TOP1: variants seen among roughly 807,000 people sequenced by gnomAD.
The protein encoded by TOP1 is DNA topoisomerase I.
A neutral mutation model predicts 111.1 loss-of-function variants in TOP1; 10 were observed. The observed-to-expected ratio is 0.09, with a 90% CI of 0.06 to 0.15. The LOEUF (loss-of-function observed/expected upper bound fraction) is 0.15. Among genes scored for constraint, TOP1 ranks in the 10% least tolerant of loss-of-function variants. The pLI, the probability that TOP1 is intolerant of heterozygous loss-of-function variation, is 1.00. For synonymous variants in TOP1, 271 were observed against 302.9 expected (o/e 0.89, Z 1.10); for missense variants, 474 against 926.7 (o/e 0.51, Z 6.34).
At chr20:41,043,930 T>A (rs1295803271) in intron 2 of TOP1, among the ~76,000 whole-genome samples, 2 of 152,226 alleles carry the variant, frequency 1.3e-5, no homozygotes, top group Non-Finnish European at 2.9e-5. Context: ...GATGCATTTG[T>A]AGTGCAGGGA....
chr20:41,079,940 A>G lies in TOP1; in HGVS notation c.336-145A>G. On this transcript the variant is annotated intron_variant, in intron 5 of 20. Coordinates refer to ENST00000361337, the MANE Select transcript of TOP1 (RefSeq NM_003286.4). This position sits in a 1 kb window ranked among gnomAD's most constrained non-coding sequence, Gnocchi z 4.0. ...TACTTCACAGGATTGAAGTGAGAAA[A>G]AGTGCTCACAGAACATCTTCATGAT... 3 of 612,802 alleles carry G rather than the reference A, an allele frequency of 4.9e-6. No homozygotes were observed. The highest frequency in any genetic ancestry group is 8.7e-6 in the Non-Finnish European group (3 of 343,792). 38.0% of individuals were successfully genotyped at this position (612,802 alleles called of 1,614,324 possible).
intron 2 of TOP1, among the ~76,000 whole-genome samples, chr20:41,041,912 T>G (rs78957987): frequency 0.016 from 2,142 of 131,686 alleles, 36 homozygotes; most frequent in African/African-American, 0.052. Context: ...TGATGATTAT[T>G]ATTATTATTA....
rs2145963889 is a variant in TOP1, at chr20:41,112,713, G to T, written c.1309-69G>T. 7 of 1,550,256 alleles carry T rather than the reference G, an allele frequency of 4.5e-6. No homozygotes were observed. The highest frequency in any genetic ancestry group is 1.2e-5 in the South Asian group (1 of 84,892). ...TTATAGGCTTGCGCCACCTTGCCTG[G>T]CTATATTCAAAGTCTGTCTTTACTA... On this transcript the variant is annotated intron_variant, in intron 13 of 20. Transcript: ENST00000361337. This position sits in a 1 kb window ranked among gnomAD's most constrained non-coding sequence, Gnocchi z 5.8.
At chr20:41,064,153 T>C (rs371171088) in intron 3 of TOP1, among the ~76,000 whole-genome samples, 3 of 152,328 alleles carry the variant, frequency 2.0e-5, no homozygotes, top group South Asian at 4.1e-4. Flanking sequence ...CCTAGCATCA[T>C]TTATTGAATA....
In TOP1 at chr20:41,101,426, G is replaced by C; in HGVS notation, c.1308+73G>C. The C allele has an allele frequency of 6.8e-7, 1 of 1,460,008 alleles. No homozygotes were observed. Among genetic ancestry groups the C allele is most frequent in the South Asian group, 1.3e-5 (1 of 75,690 alleles). 90.4% of individuals were successfully genotyped at this position (1,460,008 alleles called of 1,614,324 possible). A position where few individuals can be genotyped will look rare whatever the true frequency, so the allele number is the denominator to read the frequency against. Reference sequence around the variant, plus strand: ...TTTTTTGTTGAAATGTAACGTTCTCGTCCTCTAGAATCACTTTGACAAATT... The same window carrying C: ...TTTTTTGTTGAAATGTAACGTTCTCCTCCTCTAGAATCACTTTGACAAATT... On this transcript the variant is annotated intron_variant, in intron 13 of 20. Transcript: ENST00000361337. This position sits in a 1 kb window ranked among gnomAD's most constrained non-coding sequence, Gnocchi z 4.1.
chr20:41,029,035 C>A lies in TOP1; in HGVS notation c.-33C>A. On this transcript the variant is annotated 5_prime_UTR_variant, in exon 1 of 21. Coordinates refer to ENST00000361337, the MANE Select transcript of TOP1 (RefSeq NM_003286.4). The surrounding 1 kb of genome is among the most constrained non-coding windows in gnomAD (Gnocchi z 6.1). The stretch of plus-strand genomic sequence containing the variant: ...CGTCTGCGTCTCCCCCACGCCGCCT[C>A]GCCTGCCGCCGCGCTCGTCCCTCCG... 6.5e-7 allele frequency: 1 copy of A among 1,541,130 alleles called. No individual in the cohort carries two copies. Among genetic ancestry groups the A allele is most frequent in the East Asian group, 2.5e-5 (1 of 39,230 alleles).
intron 3 of TOP1, among the ~76,000 whole-genome samples, chr20:41,066,136 ACTTAT>A (rs1002481329): frequency 1.3e-5 from 2 of 152,210 alleles, no homozygotes; most frequent in Admixed American, 1.3e-4. Flanking sequence ...GCTTTTGAAA[ACTTAT>A]CTTCTCTAAC....
chr20:41,037,292 CT>C, intron 2 of TOP1, among the ~76,000 whole-genome samples: 1 of 152,116 alleles, frequency 6.6e-6, no homozygotes, highest in Non-Finnish European at 1.5e-5. Context: ...TAACTTGACC[CT>C]TTTCGATGCA....
rs938331594 is a variant in TOP1, at chr20:41,100,931, C to T, written c.1164-278C>T. ...TGGTATGTTGTATATATGGTTCACG[C>T]ATCCCAGGTGGGACTACAAGAGATT... is the stretch of plus-strand genomic sequence containing the variant. On this transcript the variant is annotated intron_variant, in intron 12 of 20. Coordinates refer to ENST00000361337, the MANE Select transcript of TOP1 (RefSeq NM_003286.4). The surrounding 1 kb of genome is among the most constrained non-coding windows in gnomAD (Gnocchi z 4.4). 10 of 412,510 alleles carry T rather than the reference C, an allele frequency of 2.4e-5. No individual in the cohort carries two copies. Among genetic ancestry groups the T allele is most frequent in the African/African-American group, 1.8e-4 (9 of 50,438 alleles). 25.6% of individuals were successfully genotyped at this position (412,510 alleles called of 1,614,324 possible). A position where few individuals can be genotyped will look rare whatever the true frequency, so the allele number is the denominator to read the frequency against.
chr20:41,047,232 T>C (rs1043861094), intron 2 of TOP1, among the ~76,000 whole-genome samples: 16 of 152,252 alleles, frequency 1.1e-4, no homozygotes, highest in African/African-American at 3.4e-4. Flanking sequence ...ATGTGCCACA[T>C]AACAAGATTT....
At chr20:41,057,068 C>T (rs191375991) in intron 2 of TOP1, among the ~76,000 whole-genome samples, 2 of 152,196 alleles carry the variant, frequency 1.3e-5, no homozygotes, top group African/African-American at 4.8e-5. Context: ...GAGTTCGAGA[C>T]CAGCCTCGGC....
intron 2 of TOP1, among the ~76,000 whole-genome samples, chr20:41,053,134 G>A (rs1361017609): frequency 1.3e-5 from 2 of 152,242 alleles, no homozygotes; most frequent in South Asian, 2.1e-4. Flanking sequence ...ACTTAATTTT[G>A]CTCATTCAGG....
At chr20:41,042,054 A>G (rs963772964) in intron 2 of TOP1, among the ~76,000 whole-genome samples, 3 of 151,994 alleles carry the variant, frequency 2.0e-5, no homozygotes, top group Non-Finnish European at 4.4e-5. Flanking sequence ...GATTACAGGC[A>G]CACCACCACC....
Position 41,110,586 on chromosome 20 carries a change from G to GAT in TOP1, c.1309-2194_1309-2193dup, listed in dbSNP as rs1321530398. ...TTCCACCCAACCACTCTGCTGAATG[G>GAT]ATAGCAGCTATATTAGAGAGACAAT... On this transcript the variant is annotated intron_variant, in intron 13 of 20. Coordinates refer to ENST00000361337, the MANE Select transcript of TOP1 (RefSeq NM_003286.4). The surrounding 1 kb of genome is among the most constrained non-coding windows in gnomAD (Gnocchi z 4.2). Among the ~76,000 whole-genome samples the GAT allele has an allele frequency of 1.3e-5, 2 of 152,178 alleles. No individual in the cohort carries two copies. Among genetic ancestry groups the GAT allele is most frequent in the African/African-American group, 4.8e-5 (2 of 41,428 alleles).
intron 2 of TOP1, among the ~76,000 whole-genome samples, chr20:41,040,004 AG>A (rs2033241054): frequency 6.6e-6 from 1 of 152,258 alleles, no homozygotes; most frequent in African/African-American, 2.4e-5. Context: ...ATGTGACAAT[AG>A]CTAATTCAAG....
rs146360443 is a variant in TOP1 at position 41,109,632 on chromosome 20, G to A, written c.1309-3150G>A. ...TAATAAAAAAACAGACATCCCATCC[G>A]CATAATAAAAAGAGCAAAAGACTTG... On this transcript the variant is annotated intron_variant, in intron 13 of 20. Coordinates refer to ENST00000361337, the MANE Select transcript of TOP1 (RefSeq NM_003286.4). This position sits in a 1 kb window ranked among gnomAD's most constrained non-coding sequence, Gnocchi z 4.1. Among the ~76,000 whole-genome samples the A allele has an allele frequency of 1.8e-3, 273 of 152,192 alleles. No individual in the cohort carries two copies. The highest frequency in any genetic ancestry group is 6.4e-3 in the African/African-American group (264 of 41,536).
chr20:41,038,702 T>TG (rs1281950786), intron 2 of TOP1, among the ~76,000 whole-genome samples: 5 of 152,130 alleles, frequency 3.3e-5, no homozygotes, highest in South Asian at 2.1e-4. Flanking sequence ...TAAAAATCTT[T>TG]GGGGCAGGCC....
intron 2 of TOP1, among the ~76,000 whole-genome samples, chr20:41,047,366 T>C (rs1235536454): frequency 6.6e-6 from 1 of 152,224 alleles, no homozygotes; most frequent in East Asian, 1.9e-4. Flanking sequence ...TGTTACAGTT[T>C]CCTACAGTAC....
chr20:41,102,917 A>C lies in TOP1; in HGVS notation c.1308+1564A>C, dbSNP rs1483850629. Among the ~76,000 whole-genome samples the C allele has an allele frequency of 6.6e-6, 1 of 152,232 alleles. No individual in the cohort carries two copies. Among genetic ancestry groups the C allele is most frequent in the Non-Finnish European group, 1.5e-5 (1 of 68,034 alleles). Reference sequence around the variant, plus strand: ...TTGCAGCACCTTAGAGATCAACAATAACTTTATGAAGAAAAGTAGGTTATG... The same window carrying C: ...TTGCAGCACCTTAGAGATCAACAATCACTTTATGAAGAAAAGTAGGTTATG... On this transcript the variant is annotated intron_variant, in intron 13 of 20. Coordinates refer to ENST00000361337, the MANE Select transcript of TOP1 (RefSeq NM_003286.4). The surrounding 1 kb of genome is among the most constrained non-coding windows in gnomAD (Gnocchi z 4.0).
Sources: gnomAD v4.1 joint callset for allele counts (sites outside exome capture counted in the v4.1 genomes callset) on GRCh38, gnomAD v4.1.1 for gene constraint, Gnocchi (gnomAD v3.1) non-coding constraint, MANE v1.5 for transcripts, NCBI Gene and HGNC (gene_info 2026-07-23, HGNC 2026-07-21) for gene names.